DCUN1D3: variants seen among roughly 807,000 people sequenced by gnomAD.
The protein encoded by DCUN1D3 is DCN1-like protein 3.
A neutral mutation model predicts 24.8 loss-of-function variants in DCUN1D3; 6 were observed. The ratio of observed to expected loss-of-function variants is 0.24; its 90% CI spans 0.13 to 0.48. The LOEUF is 0.48. Ranked by LOEUF, DCUN1D3 falls within the 20% of genes least tolerant of loss-of-function variation. DCUN1D3 has a pLI of 0.99. For missense variants in DCUN1D3, 258 were observed against 379.4 expected (o/e 0.68, Z 2.66); for synonymous variants, 120 against 144.9 (o/e 0.83, Z 1.24).
intron 1 of DCUN1D3, among the ~76,000 whole-genome samples, chr16:20,887,446 A>G (rs1342759695): frequency 6.6e-6 from 1 of 152,246 alleles, no homozygotes; most frequent in African/African-American, 2.4e-5. Flanking sequence ...AAGTGTAACC[A>G]AAGCCACACT....
chr16:20,876,209 C>G (rs932321415), intron 1 of DCUN1D3, among the ~76,000 whole-genome samples: 1 of 152,022 alleles, frequency 6.6e-6, no homozygotes, highest in African/African-American at 2.4e-5. Flanking sequence ...TCAGGTGATC[C>G]GCCTGCCTCA....
rs2081728126 is a variant in DCUN1D3, at chr16:20,860,741, G to A, written c.432-372C>T. ...CGGATTCTTTCTCCTTCCAGAGGAG[G>A]AGGCTTCCTGTTTCCCTTCTGATTC... On this transcript the variant is annotated intron_variant, in intron 2 of 2. Coordinates refer to ENST00000324344, the MANE Select transcript of DCUN1D3 (RefSeq NM_173475.4). This position sits in a 1 kb window ranked among gnomAD's most constrained non-coding sequence, Gnocchi z 4.3. Among the ~76,000 whole-genome samples the A allele has an allele frequency of 6.6e-6, 1 of 152,186 alleles. No individual in the cohort carries two copies.
At position 20,856,944 on chromosome 16, in the gene DCUN1D3, G is replaced by A. The variant is rs983464629; in HGVS notation, c.*2942C>T. On this transcript the variant is annotated 3_prime_UTR_variant, in exon 3 of 3. Transcript: ENST00000324344. ...CCTCTCCACATCACCCTGATGTTCT[G>A]TTGCTAAGCAAGGAGTGTACTGGCT... The A allele has an allele frequency of 6.6e-6, 1 of 152,146 alleles. No homozygotes were observed. The highest frequency in any genetic ancestry group is 1.5e-5 in the Non-Finnish European group (1 of 68,022). The allele number at this position is 152,146 out of a possible 1,614,324, so 9.4% of individuals were successfully genotyped here.
At chr16:20,879,265 G>A (rs551809534) in intron 1 of DCUN1D3, among the ~76,000 whole-genome samples, 5 of 152,106 alleles carry the variant, frequency 3.3e-5, no homozygotes, top group Non-Finnish European at 7.3e-5. Context: ...AATAGTACCG[G>A]CTTGTTTAAC....
intron 1 of DCUN1D3, among the ~76,000 whole-genome samples, chr16:20,893,759 C>CT (rs2081902966): frequency 6.6e-6 from 1 of 152,332 alleles, no homozygotes; most frequent in African/African-American, 2.4e-5. Flanking sequence ...AAGGGTCTGA[C>CT]TTTTTCCTGC....
At chr16:20,874,822 T>C (rs2081805659) in intron 1 of DCUN1D3, among the ~76,000 whole-genome samples, 1 of 146,610 alleles carries the variant, frequency 6.8e-6, no homozygotes, top group Non-Finnish European at 1.5e-5. Flanking sequence ...TAGGCTTTGA[T>C]TTTTTTTTTT....
chr16:20,893,859 C>T (rs2081903356), intron 1 of DCUN1D3, among the ~76,000 whole-genome samples: 1 of 152,240 alleles, frequency 6.6e-6, no homozygotes, highest in African/African-American at 2.4e-5. Flanking sequence ...TTAAAGGACA[C>T]ATACTAATCC....
chr16:20,879,070 G>C (rs936990953), intron 1 of DCUN1D3, among the ~76,000 whole-genome samples: 2 of 152,126 alleles, frequency 1.3e-5, no homozygotes, highest in South Asian at 2.1e-4. Flanking sequence ...TAGCAACACC[G>C]GTGACTTTTC....
intron 1 of DCUN1D3, among the ~76,000 whole-genome samples, chr16:20,876,896 T>C (rs1446353670): frequency 2.0e-5 from 3 of 152,014 alleles, no homozygotes; most frequent in Non-Finnish European, 4.4e-5. Context: ...GCTAAAAAAG[T>C]GGATCTCAGG....
chr16:20,857,651 C>T lies in DCUN1D3; in HGVS notation c.*2235G>A, dbSNP rs2081708765. Reference sequence around the variant, plus strand: ...GTCTGGGTACCCAGCTACAACTGATCCCACAGAACCTGCTGGGACCCCTGG... The same window carrying T: ...GTCTGGGTACCCAGCTACAACTGATTCCACAGAACCTGCTGGGACCCCTGG... On this transcript the variant is annotated 3_prime_UTR_variant, in exon 3 of 3. Transcript: ENST00000324344. 6.6e-6 allele frequency: 1 copy of T among 152,146 alleles called. No homozygotes were observed. Among genetic ancestry groups the T allele is most frequent in the African/African-American group, 2.4e-5 (1 of 41,424 alleles). 9.4% of individuals were successfully genotyped at this position (152,146 alleles called of 1,614,324 possible). A position where few individuals can be genotyped will look rare whatever the true frequency, so the allele number is the denominator to read the frequency against.
chr16:20,894,087 C>T (rs932011451), intron 1 of DCUN1D3, among the ~76,000 whole-genome samples: 2 of 152,186 alleles, frequency 1.3e-5, no homozygotes, highest in Non-Finnish European at 1.5e-5. Context: ...GGCAACACAG[C>T]GAAACCCCAT....
chr16:20,894,961 T>C (rs2081908799), intron 1 of DCUN1D3, among the ~76,000 whole-genome samples: 1 of 152,160 alleles, frequency 6.6e-6, no homozygotes, highest in Non-Finnish European at 1.5e-5. Flanking sequence ...ATCAATAGGT[T>C]CTACATTGGC....
At chr16:20,868,346 C>A (rs978675158) in intron 1 of DCUN1D3, among the ~76,000 whole-genome samples, 3 of 152,230 alleles carry the variant, frequency 2.0e-5, no homozygotes, top group Non-Finnish European at 4.4e-5. Flanking sequence ...AAACTAAACA[C>A]AGACAAACTG....
At chr16:20,864,521 G>C (rs2152516249) in intron 1 of DCUN1D3, among the ~76,000 whole-genome samples, 1 of 152,118 alleles carries the variant, frequency 6.6e-6, no homozygotes, top group East Asian at 1.9e-4. Flanking sequence ...AGAGAAAAGG[G>C]AACACTTATA....
intron 1 of DCUN1D3, among the ~76,000 whole-genome samples, chr16:20,873,044 C>T (rs901547537): frequency 3.3e-5 from 5 of 151,748 alleles, no homozygotes; most frequent in Non-Finnish European, 7.4e-5. Flanking sequence ...TGAAGTGGGA[C>T]CTGGGAGGCA....
At chr16:20,893,255 C>G (rs374714515) in intron 1 of DCUN1D3, among the ~76,000 whole-genome samples, 1 of 152,004 alleles carries the variant, frequency 6.6e-6, no homozygotes, top group African/African-American at 2.4e-5. Flanking sequence ...CTCACTGCAG[C>G]CTGACCTTCT....
At chr16:20,875,210 G>GCATGCA (rs1023736195) in intron 1 of DCUN1D3, among the ~76,000 whole-genome samples, 2 of 140,256 alleles carry the variant, frequency 1.4e-5, no homozygotes, top group African/African-American at 5.3e-5. Context: ...GTGCGCTCAT[G>GCATGCA]CACACACACA....
At chr16:20,884,321 C>T (rs935332790) in intron 1 of DCUN1D3, among the ~76,000 whole-genome samples, 3 of 152,098 alleles carry the variant, frequency 2.0e-5, no homozygotes, top group Admixed American at 6.5e-5. Context: ...ATGGCAATTT[C>T]CCAAGAAGAG....
chr16:20,869,923 A>T lies in DCUN1D3; in HGVS notation c.-105-7280T>A, dbSNP rs958312229. Among the ~76,000 whole-genome samples, 3 of 152,254 alleles carry T rather than the reference A, an allele frequency of 2.0e-5. No homozygotes were observed. The East Asian group carries it at 5.8e-4, about 29-fold the overall frequency. On this transcript the variant is annotated intron_variant, in intron 1 of 2. Transcript: ENST00000324344. ...TCTCTGCTATGATGTGTGCCAGGAT[A>T]TTCCCCTACCCCTAAGGAGGTCCTG...
Sources: gnomAD v4.1 joint callset for allele counts (sites outside exome capture counted in the v4.1 genomes callset) on GRCh38, gnomAD v4.1.1 for gene constraint, Gnocchi (gnomAD v3.1) non-coding constraint, MANE v1.5 for transcripts, NCBI Gene and HGNC (gene_info 2026-07-23, HGNC 2026-07-21) for gene names.